Variants in SV2C observed in about 807,000 individuals in gnomAD.
SV2C encodes synaptic vesicle glycoprotein 2C.
In SV2C, 49 loss-of-function variants were observed where a neutral mutation model predicts 79.7. The ratio of observed to expected loss-of-function variants is 0.61; its 90% CI spans 0.49 to 0.78. SV2C has a LOEUF of 0.78. Among genes scored for constraint, SV2C ranks in the 30% least tolerant of loss-of-function variants. SV2C has a pLI of 0.00. For missense variants in SV2C, 833 were observed against 912.9 expected, an observed-to-expected ratio of 0.91 and a Z score of 1.13; for synonymous variants, 334 against 333.2, an observed-to-expected ratio of 1.00 and a Z score of -0.03.
the SV2C span, among the ~76,000 whole-genome samples, chr5:76,055,843 A>G: frequency 6.6e-6 from 1 of 152,102 alleles, no homozygotes; most frequent in East Asian, 1.9e-4. Flanking sequence ...TTGCATATTC[A>G]TTTTGTATCC....
the SV2C span, among the ~76,000 whole-genome samples, chr5:75,863,436 T>C: frequency 6.6e-6 from 1 of 152,190 alleles, no homozygotes; most frequent in Non-Finnish European, 1.5e-5. Context: ...TAGTAAATTG[T>C]CGTAAAATTG....
the SV2C span, among the ~76,000 whole-genome samples, chr5:75,985,650 T>C: frequency 1.3e-5 from 2 of 151,874 alleles, no homozygotes; most frequent in Non-Finnish European, 2.9e-5. Context: ...AGGGCTGAGA[T>C]TCAGTAGTCT....
intron 1 of SV2C, among the ~76,000 whole-genome samples, chr5:76,086,609 G>C (rs1442400037): frequency 6.8e-6 from 1 of 147,406 alleles, no homozygotes; most frequent in East Asian, 2.0e-4. Context: ...AATGAAGTCT[G>C]TTTGTAAACC....
the SV2C span, chr5:75,910,615 G>T: frequency 1.3e-6 from 1 of 799,632 alleles, no homozygotes. Context: ...GAAAACTTGT[G>T]GATTATGATG....
chr5:75,901,239 ATGG>A, the SV2C span, among the ~76,000 whole-genome samples: 2 of 151,942 alleles, frequency 1.3e-5, no homozygotes, highest in Admixed American at 6.6e-5. Context: ...GTCTTTGATG[ATGG>A]TGATGTACAG....
chr5:76,342,008 C>A (rs1300566994), intron 12 of SV2C, among the ~76,000 whole-genome samples: 1 of 152,154 alleles, frequency 6.6e-6, no homozygotes, highest in Non-Finnish European at 1.5e-5. Flanking sequence ...AGTGACTTAC[C>A]CACATACCCC....
intron 12 of SV2C, among the ~76,000 whole-genome samples, chr5:76,351,040 G>A (rs1327784587): frequency 6.6e-6 from 1 of 151,932 alleles, no homozygotes; most frequent in Non-Finnish European, 1.5e-5. Flanking sequence ...CTCTAAGATG[G>A]TATGCAGAGC....
intron 4 of SV2C, among the ~76,000 whole-genome samples, chr5:76,210,439 T>C (rs1432920983): frequency 6.6e-6 from 1 of 152,118 alleles, no homozygotes; most frequent in Non-Finnish European, 1.5e-5. Flanking sequence ...CATTCACCAG[T>C]TTATGGCAAA....
chr5:75,979,317 G>A, the SV2C span, among the ~76,000 whole-genome samples: 1,549 of 152,012 alleles, frequency 0.01, 29 homozygotes, highest in African/African-American at 0.036. Flanking sequence ...ATATTATACA[G>A]ATCACTGAGA....
At chr5:75,933,156 C>A in the SV2C span, among the ~76,000 whole-genome samples, 1 of 152,190 alleles carries the variant, frequency 6.6e-6, no homozygotes, top group South Asian at 2.1e-4. Flanking sequence ...TTGACTGTCA[C>A]CTCCTCAGAG....
At chr5:76,003,272 G>A in the SV2C span, among the ~76,000 whole-genome samples, 1 of 152,068 alleles carries the variant, frequency 6.6e-6, no homozygotes, top group South Asian at 2.1e-4. Flanking sequence ...ATAGCACCAT[G>A]AGAACGGACT....
At chr5:76,011,871 T>G in the SV2C span, among the ~76,000 whole-genome samples, 2 of 152,196 alleles carry the variant, frequency 1.3e-5, no homozygotes, top group African/African-American at 4.8e-5. Context: ...TTTGGTTTTC[T>G]GTTCTTGTGT....
the SV2C span, among the ~76,000 whole-genome samples, chr5:75,919,067 T>TC: frequency 1.3e-5 from 2 of 152,226 alleles, no homozygotes; most frequent in Non-Finnish European, 2.9e-5. Context: ...TCCCTCCATC[T>TC]CCAAAGTTGT....
rs976706585 is a variant in SV2C, at chr5:76,197,798, A to G, written c.761+2699A>G. ...TATGGAGGCTGAGGAGTCCCATGGCAGGCCTTCTGCAAGCTGGAAATGCTG... is the reference window on the plus strand; with the variant it reads ...TATGGAGGCTGAGGAGTCCCATGGCGGGCCTTCTGCAAGCTGGAAATGCTG... On this transcript the variant is annotated intron_variant, in intron 3 of 12. Coordinates refer to ENST00000502798, the MANE Select transcript of SV2C (RefSeq NM_014979.4). Among the ~76,000 whole-genome samples the G allele has an allele frequency of 4.6e-5, 7 of 152,164 alleles. No individual in the cohort carries two copies. The Middle Eastern group carries it at 0.01, about 223-fold the overall frequency.
At chr5:76,275,033 A>G (rs1746980795) in intron 4 of SV2C, among the ~76,000 whole-genome samples, 1 of 152,324 alleles carries the variant, frequency 6.6e-6, no homozygotes, top group Non-Finnish European at 1.5e-5. Context: ...AGAAGACCAT[A>G]GACAAATCAA....
At chr5:76,000,304 A>G in the SV2C span, among the ~76,000 whole-genome samples, 2 of 152,134 alleles carry the variant, frequency 1.3e-5, no homozygotes, top group African/African-American at 4.8e-5. Flanking sequence ...AGAGAGAAAG[A>G]AACACAGAGG....
chr5:76,108,761 G>T (rs574074701), intron 1 of SV2C, among the ~76,000 whole-genome samples: 1 of 152,276 alleles, frequency 6.6e-6, no homozygotes, highest in South Asian at 2.1e-4. Context: ...TGGATCAAAT[G>T]TGAGTCCCAC....
intron 2 of SV2C, among the ~76,000 whole-genome samples, chr5:76,147,612 A>G (rs1749476738): frequency 6.6e-6 from 1 of 152,218 alleles, no homozygotes. Context: ...GGACTTGGCT[A>G]TGGCCGAATT....
the SV2C span, among the ~76,000 whole-genome samples, chr5:75,964,618 C>G: frequency 6.6e-6 from 1 of 152,014 alleles, no homozygotes; most frequent in African/African-American, 2.4e-5. Context: ...CTGGGCATCC[C>G]CCTCCATCAA....
Sources: allele counts gnomAD v4.1 joint callset (sites outside exome capture counted in the v4.1 genomes callset), GRCh38; gene constraint gnomAD v4.1.1; transcripts MANE v1.5; gene names NCBI Gene and HGNC (gene_info 2026-07-23, HGNC 2026-07-21).